Variants in SEH1L observed in about 807,000 individuals in gnomAD.
SEH1L encodes the protein nucleoporin SEH1.
Under a neutral mutation model 49.5 loss-of-function variants are expected in SEH1L, and 18 were observed. The ratio of observed to expected loss-of-function variants is 0.36; its 90% CI spans 0.25 to 0.54. The LOEUF (loss-of-function observed/expected upper bound fraction) is 0.54. SEH1L is among the 20% of genes least tolerant of loss of function. The pLI is 0.87. For synonymous variants in SEH1L, 169 were observed against 178.1 expected (o/e 0.95, Z 0.41); for missense variants, 404 against 528.8 (o/e 0.76, Z 2.31).
chr18:12,963,815 C>A (rs1048730380), intron 4 of SEH1L, among the ~76,000 whole-genome samples: 2 of 152,200 alleles, frequency 1.3e-5, no homozygotes, highest in Non-Finnish European at 2.9e-5. Flanking sequence ...TGAGTTCAAG[C>A]AATTCTCCTG....
chr18:12,948,470 G>T (rs2030260902), intron 1 of SEH1L: 1 of 384,774 alleles, frequency 2.6e-6, no homozygotes, highest in African/African-American at 2.1e-5. Flanking sequence ...GCGCGCTCCC[G>T]CCCGCAGGGT....
At chr18:12,965,710 GTTA>G (rs1376691642) in intron 4 of SEH1L, among the ~76,000 whole-genome samples, 2 of 152,160 alleles carry the variant, frequency 1.3e-5, no homozygotes, top group South Asian at 2.1e-4. Flanking sequence ...AGGATTTTGC[GTTA>G]TTATTCTGAG....
rs546929207 is a variant in SEH1L at position 12,954,972 on chromosome 18, C to T, written c.163-491C>T. Among the ~76,000 whole-genome samples the T allele has an allele frequency of 7.2e-5, 11 of 152,272 alleles. No homozygotes were observed. The South Asian group carries it at 2.3e-3, about 32-fold the overall frequency. On this transcript the variant is annotated intron_variant, in intron 2 of 8. Coordinates refer to ENST00000399892, the MANE Select transcript of SEH1L (RefSeq NM_001013437.2). The stretch of plus-strand genomic sequence containing the variant: ...CAGTCACTTCTTGTTTACTCTGCTC[C>T]CAGCCGCTGGTAACCACTAATCTAC...
chr18:12,980,219 C>T (rs1352224266), intron 6 of SEH1L, among the ~76,000 whole-genome samples: 3 of 141,004 alleles, frequency 2.1e-5, no homozygotes, highest in Admixed American at 6.9e-5. Flanking sequence ...GGCTGACCCC[C>T]CCACCTCCCT....
intron 4 of SEH1L, chr18:12,964,400 A>G (rs1458583994): frequency 6.6e-6 from 1 of 151,856 alleles, no homozygotes; most frequent in Non-Finnish European, 1.5e-5. Flanking sequence ...TTATTCTGCT[A>G]TTTTTCCACA....
intron 5 of SEH1L, among the ~76,000 whole-genome samples, chr18:12,975,255 G>A (rs541304807): frequency 1.3e-5 from 2 of 152,118 alleles, no homozygotes; most frequent in East Asian, 1.9e-4. Flanking sequence ...GCCTCCCAAA[G>A]TGTTGGGATT....
intron 5 of SEH1L, chr18:12,977,142 T>C (rs2031959976): frequency 1.3e-5 from 2 of 152,256 alleles, no homozygotes; most frequent in African/African-American, 4.8e-5. Flanking sequence ...GGAGAGAACC[T>C]TGAGGTGTGT....
chr18:12,951,142 A>G (rs1003041739), intron 1 of SEH1L, among the ~76,000 whole-genome samples: 2 of 152,190 alleles, frequency 1.3e-5, no homozygotes, highest in African/African-American at 4.8e-5. Context: ...GTGGTGAAAA[A>G]GTTTGAGTCT....
intron 5 of SEH1L, chr18:12,973,890 C>CA (rs1170469292): frequency 2.6e-5 from 4 of 152,148 alleles, no homozygotes; most frequent in African/African-American, 9.7e-5. Context: ...AAGAGCTGCA[C>CA]AATGTCAGGT....
chr18:12,980,875 C>A (rs1312445760), intron 6 of SEH1L, among the ~76,000 whole-genome samples: 1 of 131,020 alleles, frequency 7.6e-6, no homozygotes, highest in Non-Finnish European at 1.7e-5. Context: ...GGGGGGCTGA[C>A]CCCCCCCACC....
At position 12,948,065 on chromosome 18, in the gene SEH1L, G is replaced by A; in HGVS notation, c.-57G>A. ...GGTCTGGCTAGGCTACGGGCCACGC[G>A]CCGCCGCCGCTGCCGCCGCCACTGT... On this transcript the variant is annotated 5_prime_UTR_variant, in exon 1 of 9. Transcript: ENST00000399892. 7.3e-7 allele frequency: 1 copy of A among 1,378,732 alleles called. No individual in the cohort carries two copies. Among genetic ancestry groups the A allele is most frequent in the Non-Finnish European group, 1.0e-6 (1 of 986,778 alleles). 85.4% of individuals were successfully genotyped at this position (1,378,732 alleles called of 1,614,324 possible).
At chr18:12,985,517 T>A in intron 8 of SEH1L, 1 of 1,220,182 alleles carries the variant, frequency 8.2e-7, no homozygotes, top group Non-Finnish European at 1.0e-6. Flanking sequence ...CAAAACAATT[T>A]TTTGAAATGT....
At chr18:12,949,454 T>G (rs796219313) in intron 1 of SEH1L, among the ~76,000 whole-genome samples, 28 of 115,816 alleles carry the variant, frequency 2.4e-4, no homozygotes, top group Middle Eastern at 4.0e-3. Flanking sequence ...TTTTTTTTTT[T>G]TTTTTTTTTT....
intron 5 of SEH1L, 62 bp from the exon 6 acceptor site, chr18:12,978,690 T>C: frequency 7.2e-7 from 1 of 1,380,958 alleles, no homozygotes; most frequent in Non-Finnish European, 1.0e-6. Flanking sequence ...TGAGATGCAG[T>C]GATGTGTGGA....
At chr18:12,959,418 G>A (rs745867864) in intron 3 of SEH1L, among the ~76,000 whole-genome samples, 1 of 152,186 alleles carries the variant, frequency 6.6e-6, no homozygotes, top group Non-Finnish European at 1.5e-5. Flanking sequence ...CTGGGTTCAA[G>A]CGATCCTCCA....
chr18:12,986,942 C>G lies in SEH1L; in HGVS notation c.1151C>G (p.Pro384Arg). ...GCCCAGCTCCTTCCTCCTCCTCCTC[C>G]TCCTCTGGTAGAGCACTCTTGCGAT... ...SYAQLLPPPP[P>R]PLVEHSCDAD... Residue 384 changes from proline to arginine, a missense_variant, in exon 9 of 9, where the codon CCT (proline) becomes CGT (arginine). Coordinates refer to ENST00000399892, the MANE Select transcript of SEH1L (RefSeq NM_001013437.2). The G allele has an allele frequency of 3.7e-6, 6 of 1,613,890 alleles. No individual in the cohort carries two copies. Among genetic ancestry groups the G allele is most frequent in the South Asian group, 1.1e-5 (1 of 91,066 alleles).
chr18:12,952,253 C>T (rs540813553), intron 2 of SEH1L, among the ~76,000 whole-genome samples: 61 of 135,824 alleles, frequency 4.5e-4, no homozygotes, highest in Middle Eastern at 4.7e-3. Flanking sequence ...TTTTTTGAGA[C>T]GGAGAGTCTT....
chr18:12,949,655 A>G (rs1330532960), intron 1 of SEH1L, among the ~76,000 whole-genome samples: 2 of 151,660 alleles, frequency 1.3e-5, no homozygotes, highest in South Asian at 2.1e-4. Flanking sequence ...GGGTTTCACC[A>G]TGTTAGCCAG....
chr18:12,958,779 G>A (rs576426642), intron 3 of SEH1L, among the ~76,000 whole-genome samples: 7 of 152,182 alleles, frequency 4.6e-5, no homozygotes, highest in East Asian at 1.9e-4. Flanking sequence ...TTTCTACTTC[G>A]TGGCTATTGT....
Sources: allele counts gnomAD v4.1 joint callset (sites outside exome capture counted in the v4.1 genomes callset), GRCh38; gene constraint gnomAD v4.1.1; transcripts MANE v1.5; gene names NCBI Gene and HGNC (gene_info 2026-07-23, HGNC 2026-07-21).